The following IL1RAPL1 variants were observed in gnomAD, a reference collection of about 807,000 sequenced individuals.
IL1RAPL1 encodes the protein interleukin 1 receptor accessory protein like 1, also known as interleukin-1 receptor accessory protein-like 1.
A neutral mutation model predicts 48.4 loss-of-function variants in IL1RAPL1; 3 were observed. The observed-to-expected ratio is 0.06, with a 90% CI of 0.03 to 0.16. IL1RAPL1 has a LOEUF of 0.16. Among genes scored for constraint, IL1RAPL1 ranks in the 10% least tolerant of loss-of-function variants. The pLI is 1.00. For missense variants in IL1RAPL1, 349 were observed against 530.6 expected (o/e 0.66, Z 3.36); for synonymous variants, 185 against 187.7 (o/e 0.99, Z 0.12).
At chrX:29,786,581 G>A (rs1929505635) in intron 6 of IL1RAPL1, among the ~76,000 whole-genome samples, 1 of 111,768 alleles carries the variant, frequency 8.9e-6, no homozygotes, top group African/African-American at 3.3e-5. Flanking sequence ...TTATTTATCT[G>A]TGCCTTAAAA....
At chrX:28,589,784 G>T (rs369213767) in intron 1 of IL1RAPL1, among the ~76,000 whole-genome samples, 1 of 111,823 alleles carries the variant, frequency 8.9e-6, no homozygotes, top group East Asian at 2.8e-4. Flanking sequence ...TGTCAGAAAT[G>T]ACTGTTTTGT....
chrX:29,889,237 T>A (rs1027651535), intron 6 of IL1RAPL1, among the ~76,000 whole-genome samples: 1 of 111,761 alleles, frequency 8.9e-6, no homozygotes, highest in African/African-American at 3.2e-5. Context: ...CCTATAAGGT[T>A]TAGATTCACT....
chrX:28,815,604 C>A (rs1160232491), intron 2 of IL1RAPL1, among the ~76,000 whole-genome samples: 1 of 104,577 alleles, frequency 9.6e-6, no homozygotes, highest in African/African-American at 3.5e-5. Flanking sequence ...CTCGCTTCAT[C>A]CCCTCTTACC....
At chrX:29,918,238 TAA>T (rs771849523) in intron 7 of IL1RAPL1, among the ~76,000 whole-genome samples, 1,000 of 59,313 alleles carry the variant, frequency 0.017, 39 homozygotes, top group African/African-American at 0.063. Context: ...ACCTTTTTTT[TAA>T]AAAAAAAAAA....
At chrX:29,644,175 T>C (rs1332175927) in intron 5 of IL1RAPL1, among the ~76,000 whole-genome samples, 1 of 112,452 alleles carries the variant, frequency 8.9e-6, no homozygotes, top group Non-Finnish European at 1.9e-5. Context: ...GAATCTGTTC[T>C]CCATTAACCT....
At chrX:29,423,698 A>G (rs1295419790) in intron 5 of IL1RAPL1, among the ~76,000 whole-genome samples, 1 of 111,764 alleles carries the variant, frequency 8.9e-6, no homozygotes, top group Non-Finnish European at 1.9e-5. Context: ...AAGGCAGATG[A>G]GAATTTGATG....
At chrX:29,722,265 A>G (rs1247992043) in intron 6 of IL1RAPL1, among the ~76,000 whole-genome samples, 3 of 112,101 alleles carry the variant, frequency 2.7e-5, no homozygotes, top group African/African-American at 9.7e-5. Flanking sequence ...TGCAATACAA[A>G]TGGTTGTTTT....
At chrX:28,736,289 C>T (rs1291088640) in intron 1 of IL1RAPL1, among the ~76,000 whole-genome samples, 2 of 110,095 alleles carry the variant, frequency 1.8e-5, no homozygotes, top group African/African-American at 6.6e-5. Flanking sequence ...AAAAAATAAG[C>T]CAGGCGTGGT....
At chrX:29,898,529 G>T (rs1480240242) in intron 6 of IL1RAPL1, among the ~76,000 whole-genome samples, 1 of 112,130 alleles carries the variant, frequency 8.9e-6, no homozygotes, top group Non-Finnish European at 1.9e-5. Flanking sequence ...ATCTTGGGCT[G>T]TGTGGAAGTT....
intron 8 of IL1RAPL1, among the ~76,000 whole-genome samples, chrX:29,922,268 T>C (rs1932854124): frequency 8.9e-6 from 1 of 111,999 alleles, no homozygotes; most frequent in Non-Finnish European, 1.9e-5. Context: ...AAGAAAATTA[T>C]TTGAAATTTT....
intron 1 of IL1RAPL1, among the ~76,000 whole-genome samples, chrX:28,629,405 G>T (rs945758534): frequency 1.3e-4 from 15 of 111,586 alleles, no homozygotes; most frequent in African/African-American, 4.9e-4. Context: ...ACGATTGGGT[G>T]GTCATCACTG....
chrX:29,184,936 A>C (rs1234234563), intron 2 of IL1RAPL1, among the ~76,000 whole-genome samples: 1 of 112,155 alleles, frequency 8.9e-6, no homozygotes, highest in Non-Finnish European at 1.9e-5. Context: ...CTATTAGTAC[A>C]CTGGACTTGT....
At chrX:29,728,072 G>T (rs1192196339) in intron 6 of IL1RAPL1, among the ~76,000 whole-genome samples, 1 of 110,182 alleles carries the variant, frequency 9.1e-6, no homozygotes, top group African/African-American at 3.3e-5. Flanking sequence ...CGAGTAGCTG[G>T]GACTACAGGC....
At chrX:29,080,994 T>TTCTTTCTTTCTTTCTC (rs1569232789) in intron 2 of IL1RAPL1, among the ~76,000 whole-genome samples, 4 of 26,437 alleles carry the variant, frequency 1.5e-4, no homozygotes, top group Non-Finnish European at 3.1e-4. Flanking sequence ...CTTTCTTTCT[T>TTCTTTCTTTCTTTCTC]TCTCTCTCTC....
At chrX:29,148,138 T>A (rs1186165349) in intron 2 of IL1RAPL1, among the ~76,000 whole-genome samples, 1 of 111,985 alleles carries the variant, frequency 8.9e-6, no homozygotes, top group Non-Finnish European at 1.9e-5. Flanking sequence ...TGTATAGACA[T>A]ACAAATACAG....
intron 2 of IL1RAPL1, among the ~76,000 whole-genome samples, chrX:28,792,604 A>G (rs776622028): frequency 2.9e-5 from 3 of 103,359 alleles, no homozygotes; most frequent in South Asian, 4.6e-4. Flanking sequence ...TGGCTAACAC[A>G]GTGAAACCCC....
intron 1 of IL1RAPL1, among the ~76,000 whole-genome samples, chrX:28,751,157 C>A (rs1248361842): frequency 9.0e-6 from 1 of 111,151 alleles, no homozygotes; most frequent in African/African-American, 3.3e-5. Context: ...ATGTTTTATT[C>A]TCCCAGAGAT....
chrX:29,769,450 T>G (rs1323156849), intron 6 of IL1RAPL1, among the ~76,000 whole-genome samples: 1 of 74,377 alleles, frequency 1.3e-5, no homozygotes, highest in African/African-American at 5.3e-5. Context: ...TTTTTTTTTT[T>G]TTTTTTTTTT....
chrX:29,698,355 A>T lies in IL1RAPL1; in HGVS notation c.778+29851A>T, dbSNP rs187798107. Reference sequence around the variant, plus strand: ...AATTTTTTATTCAGTATGCAGTTCTAAGCTTAAATATCAAATCCTCAATGA... The same window carrying T: ...AATTTTTTATTCAGTATGCAGTTCTTAGCTTAAATATCAAATCCTCAATGA... On this transcript the variant is annotated intron_variant, in intron 6 of 10. Transcript: ENST00000378993. Among the ~76,000 whole-genome samples the T allele has an allele frequency of 1.2e-4, 13 of 110,504 alleles. No homozygotes were observed. The Admixed American group carries it at 1.3e-3, about 11-fold the overall frequency.
Sources: gnomAD v4.1 joint callset for allele counts (sites outside exome capture counted in the v4.1 genomes callset) on GRCh38, gnomAD v4.1.1 for gene constraint, MANE v1.5 for transcripts, NCBI Gene and HGNC (gene_info 2026-07-23, HGNC 2026-07-21) for gene names.